Variants in CLNK observed in about 807,000 individuals in gnomAD.
The protein encoded by CLNK is cytokine dependent hematopoietic cell linker, also known as cytokine-dependent hematopoietic cell linker.
CLNK carries 74 observed loss-of-function variants against 68.6 expected under a neutral mutation model. That is an observed-to-expected ratio of 1.08 (90% CI 0.89 to 1.31). The LOEUF (loss-of-function observed/expected upper bound fraction) is 1.31. Among genes scored for constraint, CLNK ranks in the 50% most tolerant of loss-of-function variants. The probability of loss-of-function intolerance (pLI) is 0.00; values close to 1 mark genes in which losing one functional copy is unlikely to be tolerated. For missense variants in CLNK, 553 were observed against 515.3 expected, an observed-to-expected ratio of 1.07 and a Z score of -0.71; for synonymous variants, 198 against 172.2, an observed-to-expected ratio of 1.15 and a Z score of -1.17.
At chr4:10,506,818 GAGAA>G (rs1335865954) in intron 17 of CLNK, among the ~76,000 whole-genome samples, 1 of 151,892 alleles carries the variant, frequency 6.6e-6, no homozygotes, top group Non-Finnish European at 1.5e-5. Context: ...TATTTTTTTT[GAGAA>G]AGAGTCTCGC....
At chr4:10,562,146 G>C (rs1392031861) in intron 7 of CLNK, among the ~76,000 whole-genome samples, 1 of 146,160 alleles carries the variant, frequency 6.8e-6, no homozygotes, top group African/African-American at 2.5e-5. Context: ...TGTTGCCCAG[G>C]CTGAAGTGCA....
At chr4:10,636,262 C>A (rs186182945) in intron 2 of CLNK, among the ~76,000 whole-genome samples, 15 of 152,228 alleles carry the variant, frequency 9.9e-5, no homozygotes, top group African/African-American at 3.1e-4. Context: ...TCCAATATGA[C>A]TTGTATCTTT....
intron 14 of CLNK, among the ~76,000 whole-genome samples, chr4:10,524,991 T>C (rs1718243947): frequency 6.6e-6 from 1 of 152,194 alleles, no homozygotes; most frequent in African/African-American, 2.4e-5. Flanking sequence ...ACAGCACTAA[T>C]ACTGGAGGCC....
At chr4:10,530,130 G>T (rs1283198901) in intron 12 of CLNK, among the ~76,000 whole-genome samples, 4 of 151,058 alleles carry the variant, frequency 2.6e-5, no homozygotes, top group Non-Finnish European at 5.9e-5. Flanking sequence ...TTTTTTTAAG[G>T]CAGAGAGACA....
At chr4:10,577,395 T>C (rs948008874) in intron 4 of CLNK, among the ~76,000 whole-genome samples, 3 of 152,102 alleles carry the variant, frequency 2.0e-5, no homozygotes, top group Non-Finnish European at 2.9e-5. Flanking sequence ...GCAGAGACAG[T>C]TGTGTGTCTC....
intron 2 of CLNK, among the ~76,000 whole-genome samples, chr4:10,602,199 T>A (rs902831034): frequency 6.6e-6 from 1 of 152,232 alleles, no homozygotes; most frequent in Non-Finnish European, 1.5e-5. Context: ...TGTCCCTATC[T>A]AATTTCCCCT....
chr4:10,557,715 T>C (rs1719732605), intron 8 of CLNK, among the ~76,000 whole-genome samples: 1 of 152,224 alleles, frequency 6.6e-6, no homozygotes, highest in Admixed American at 6.5e-5. Flanking sequence ...TGGTACACTT[T>C]CCCATTAAAG....
intron 2 of CLNK, among the ~76,000 whole-genome samples, chr4:10,614,526 G>A (rs1484277306): frequency 6.6e-6 from 1 of 152,158 alleles, no homozygotes; most frequent in Non-Finnish European, 1.5e-5. Flanking sequence ...TTCAGCCTGA[G>A]AATTCCCATT....
intron 2 of CLNK, among the ~76,000 whole-genome samples, chr4:10,648,808 C>A (rs776169250): frequency 2.3e-4 from 35 of 152,230 alleles, no homozygotes; most frequent in Non-Finnish European, 3.5e-4. Context: ...TAATAAAATT[C>A]TTCTCAAAGT....
At position 10,542,004 on chromosome 4, in the gene CLNK, T is replaced by C; in HGVS notation, c.491+18A>G. On this transcript the variant is annotated intron_variant, in intron 10 of 18. Transcript: ENST00000226951. ...TTCATTGTATAGCGAAAAAAAATGC[T>C]ATTTTAAAGTGTTTTACCGAGGAGG... 6.5e-7 allele frequency: 1 copy of C among 1,550,218 alleles called. No individual in the cohort carries two copies. The highest frequency in any genetic ancestry group is 1.2e-5 in the South Asian group (1 of 84,220).
chr4:10,607,707 G>T (rs1721841749), intron 2 of CLNK, among the ~76,000 whole-genome samples: 1 of 152,184 alleles, frequency 6.6e-6, no homozygotes, highest in Non-Finnish European at 1.5e-5. Context: ...CATCTTGTCA[G>T]TGCCTCCCAT....
chr4:10,699,512 A>ATATATATTTTTTTT, the CLNK span, among the ~76,000 whole-genome samples: 37 of 32,682 alleles, frequency 1.1e-3, no homozygotes, highest in South Asian at 2.5e-3. Flanking sequence ...ATATATATAT[A>ATATATATTTTTTTT]TTTTTTTTTT....
intron 6 of CLNK, among the ~76,000 whole-genome samples, chr4:10,564,979 A>G (rs180719525): frequency 1.3e-5 from 2 of 152,318 alleles, no homozygotes; most frequent in East Asian, 3.9e-4. Flanking sequence ...AAAAATGCCA[A>G]AGTTTGAACC....
chr4:10,503,499 T>A (rs1199105012), intron 17 of CLNK, among the ~76,000 whole-genome samples: 3 of 149,216 alleles, frequency 2.0e-5, no homozygotes, highest in African/African-American at 7.3e-5. Flanking sequence ...ATTATATATA[T>A]AATGATTTAT....
At chr4:10,654,792 A>G (rs564540297) in intron 2 of CLNK, among the ~76,000 whole-genome samples, 1 of 152,218 alleles carries the variant, frequency 6.6e-6, no homozygotes. Context: ...TATCATTAAA[A>G]TAAGTAAAAT....
the CLNK span, among the ~76,000 whole-genome samples, chr4:10,704,926 T>C: frequency 6.6e-6 from 1 of 152,226 alleles, no homozygotes; most frequent in Admixed American, 6.5e-5. Flanking sequence ...AATTCAGTCC[T>C]AAATGTGTCC....
At chr4:10,687,497 G>A (rs921029510), upstream of CLNK, among the ~76,000 whole-genome samples, 2 of 152,124 alleles carry the variant, frequency 1.3e-5, no homozygotes, top group South Asian at 4.2e-4. Flanking sequence ...ACAAAAGAAG[G>A]CTTCTAAGAA....
the CLNK span, among the ~76,000 whole-genome samples, chr4:10,733,123 C>T: frequency 6.6e-6 from 1 of 152,106 alleles, no homozygotes; most frequent in African/African-American, 2.4e-5. Context: ...GCTTTTATTT[C>T]CCCTATCCCC....
chr4:10,646,813 C>T (rs956947771), intron 2 of CLNK, among the ~76,000 whole-genome samples: 1 of 152,140 alleles, frequency 6.6e-6, no homozygotes, highest in Non-Finnish European at 1.5e-5. Flanking sequence ...CCCTTAAGAT[C>T]AACTTTATGC....
Sources: gnomAD v4.1 joint callset for allele counts (sites outside exome capture counted in the v4.1 genomes callset) on GRCh38, gnomAD v4.1.1 for gene constraint, MANE v1.5 for transcripts, NCBI Gene and HGNC (gene_info 2026-07-23, HGNC 2026-07-21) for gene names.